The following CNTN5 variants were observed in gnomAD, a reference collection of about 807,000 sequenced individuals.
CNTN5 encodes the protein contactin-5.
In CNTN5, 77 loss-of-function variants were observed where a neutral mutation model predicts 129.1. The observed-to-expected ratio is 0.60, with a 90% CI of 0.50 to 0.72. CNTN5 has a LOEUF of 0.72. CNTN5 is among the 30% of genes least tolerant of loss of function. CNTN5 has a pLI of 0.00. For missense variants in CNTN5, 1,478 were observed against 1,328.8 expected, an observed-to-expected ratio of 1.11 and a Z score of -1.75; for synonymous variants, 509 against 465.6, an observed-to-expected ratio of 1.09 and a Z score of -1.20.
At chr11:99,959,965 A>G (rs1426326802) in intron 8 of CNTN5, among the ~76,000 whole-genome samples, 1 of 152,044 alleles carries the variant, frequency 6.6e-6, no homozygotes, top group Non-Finnish European at 1.5e-5. Context: ...ATGTAGTGAC[A>G]TAGAAAAACA....
chr11:99,396,440 T>C (rs553839756), intron 2 of CNTN5, among the ~76,000 whole-genome samples: 95 of 151,736 alleles, frequency 6.3e-4, no homozygotes, highest in Non-Finnish European at 1.0e-3. Context: ...TTATTTATAG[T>C]TGTGGTTGTG....
chr11:99,790,400 CCTA>C (rs1466530369), intron 3 of CNTN5, among the ~76,000 whole-genome samples: 1 of 151,990 alleles, frequency 6.6e-6, no homozygotes, highest in Non-Finnish European at 1.5e-5. Context: ...ATGTTTAGCT[CCTA>C]CTTGTAAGAC....
At chr11:100,149,443 C>T (rs143887732) in intron 13 of CNTN5, among the ~76,000 whole-genome samples, 12 of 152,032 alleles carry the variant, frequency 7.9e-5, no homozygotes, top group African/African-American at 2.4e-4. Flanking sequence ...AAATATCTGA[C>T]ACCATAATAA....
At chr11:99,362,668 G>A (rs1939191702) in intron 2 of CNTN5, among the ~76,000 whole-genome samples, 1 of 150,934 alleles carries the variant, frequency 6.6e-6, no homozygotes, top group Admixed American at 6.6e-5. Context: ...TTATGCTTAG[G>A]TATTTAATAC....
At chr11:100,198,473 T>C (rs1426027693) in intron 15 of CNTN5, among the ~76,000 whole-genome samples, 2 of 151,858 alleles carry the variant, frequency 1.3e-5, no homozygotes, top group African/African-American at 4.8e-5. Context: ...TATGAAGTAA[T>C]GTTATTTGGG....
At chr11:99,494,044 G>T (rs755636157) in intron 2 of CNTN5, among the ~76,000 whole-genome samples, 1 of 152,152 alleles carries the variant, frequency 6.6e-6, no homozygotes. Flanking sequence ...ATTGCAGAAA[G>T]TTGTTTTCCT....
intron 1 of CNTN5, among the ~76,000 whole-genome samples, chr11:99,056,483 C>A (rs1864629307): frequency 6.6e-6 from 1 of 151,946 alleles, no homozygotes; most frequent in Non-Finnish European, 1.5e-5. Context: ...TTGGTTAGGG[C>A]ACCACCAGTA....
chr11:99,117,825 G>A (rs1434310143), intron 1 of CNTN5, among the ~76,000 whole-genome samples: 1 of 152,144 alleles, frequency 6.6e-6, no homozygotes, highest in Non-Finnish European at 1.5e-5. Context: ...TTCCTGGTGA[G>A]GAAGAGCACC....
At chr11:99,035,731 C>G (rs1303689131) in intron 1 of CNTN5, among the ~76,000 whole-genome samples, 1 of 150,978 alleles carries the variant, frequency 6.6e-6, no homozygotes, top group African/African-American at 2.5e-5. Flanking sequence ...TCCAATTTGC[C>G]AGTCTGTGTC....
At chr11:99,913,758 C>T (rs1387003030) in intron 6 of CNTN5, among the ~76,000 whole-genome samples, 1 of 151,940 alleles carries the variant, frequency 6.6e-6, no homozygotes, top group Non-Finnish European at 1.5e-5. Context: ...TTCTATTAAT[C>T]TTGTAAATAC....
chr11:100,082,993 G>A (rs1441078633), intron 13 of CNTN5, among the ~76,000 whole-genome samples: 1 of 151,988 alleles, frequency 6.6e-6, no homozygotes, highest in East Asian at 1.9e-4. Context: ...AGCAGAAGCA[G>A]GCACCTCACA....
rs116719122 is a variant in CNTN5 at position 99,160,059 on chromosome 11, G to T, written c.-210+138789G>T. ...TCATGAGATTTAAACTATATTAAAA[G>T]AATTTACACAATTAAATATAATATT... On this transcript the variant is annotated intron_variant, in intron 1 of 24. Transcript: ENST00000524871. Among the ~76,000 whole-genome samples the T allele has an allele frequency of 2.2e-3, 341 of 152,268 alleles. 1 individual carries two copies. The highest frequency in any genetic ancestry group is 7.6e-3 in the African/African-American group (314 of 41,572).
intron 15 of CNTN5, among the ~76,000 whole-genome samples, chr11:100,209,329 T>A (rs1212897528): frequency 6.6e-6 from 1 of 152,200 alleles, no homozygotes; most frequent in African/African-American, 2.4e-5. Context: ...ACATATATTG[T>A]CACTATCAAC....
intron 3 of CNTN5, among the ~76,000 whole-genome samples, chr11:99,620,523 C>T (rs685077): frequency 0.41 from 32,746 of 79,858 alleles, 4,081 homozygotes; most frequent in East Asian, 0.57. Context: ...TTTTTTTTTT[C>T]TTTTTGCTCT....
At chr11:99,929,496 C>G (rs954077905) in intron 7 of CNTN5, among the ~76,000 whole-genome samples, 1 of 152,084 alleles carries the variant, frequency 6.6e-6, no homozygotes, top group Non-Finnish European at 1.5e-5. Flanking sequence ...AAAGGAAAAA[C>G]GTTTAATTGG....
In CNTN5 at chr11:99,637,181, T is replaced by C. The variant is rs559983334; in HGVS notation, c.55+80912T>C. 7.8e-4 allele frequency among the ~76,000 whole-genome samples: 118 copies of C among 151,818 alleles called. 1 individual carries two copies. The South Asian group carries it at 0.024, about 31-fold the overall frequency. On this transcript the variant is annotated intron_variant, in intron 3 of 24. Coordinates refer to ENST00000524871, the MANE Select transcript of CNTN5 (RefSeq NM_014361.4). ...TGTTTTCTACCTTACCCTGTCCAAA[T>C]TCTGAGACAGTTTATAGTAGCAAAA... is the stretch of plus-strand genomic sequence containing the variant.
intron 3 of CNTN5, among the ~76,000 whole-genome samples, chr11:99,687,202 G>A (rs538565827): frequency 6.6e-6 from 1 of 152,106 alleles, no homozygotes; most frequent in East Asian, 1.9e-4. Flanking sequence ...TAACAGAAAC[G>A]AAAGAAAAGA....
At chr11:100,287,698 A>C (rs2138847416) in intron 18 of CNTN5, among the ~76,000 whole-genome samples, 1 of 152,310 alleles carries the variant, frequency 6.6e-6, no homozygotes, top group East Asian at 1.9e-4. Context: ...AACTGCATCA[A>C]CTAATGAGCA....
chr11:100,346,017 G>A (rs923297451), intron 23 of CNTN5, among the ~76,000 whole-genome samples: 8 of 152,132 alleles, frequency 5.3e-5, no homozygotes, highest in African/African-American at 1.9e-4. Flanking sequence ...CTTTTCTTCA[G>A]GTCAATAAAC....
Sources: gnomAD v4.1 joint callset for allele counts (sites outside exome capture counted in the v4.1 genomes callset) on GRCh38, gnomAD v4.1.1 for gene constraint, MANE v1.5 for transcripts, NCBI Gene and HGNC (gene_info 2026-07-23, HGNC 2026-07-21) for gene names.